Variants in DSE observed in about 807,000 individuals in gnomAD.
DSE encodes the protein dermatan sulfate epimerase.
A neutral mutation model predicts 84.4 loss-of-function variants in DSE; 36 were observed. That is an observed-to-expected ratio of 0.43 (90% CI 0.33 to 0.56). DSE has a LOEUF of 0.56. Among genes scored for constraint, DSE ranks in the 20% least tolerant of loss-of-function variants. The pLI, the probability that DSE is intolerant of heterozygous loss-of-function variation, is 0.06. For missense variants in DSE, 862 were observed against 1,169.6 expected, an observed-to-expected ratio of 0.74 and a Z score of 3.84; for synonymous variants, 410 against 430.1, an observed-to-expected ratio of 0.95 and a Z score of 0.58.
At position 116,444,132 on chromosome 6, in the gene DSE, T is replaced by C. The variant is rs1395905299; in HGVS notation, c.*6787T>C. The C allele has an allele frequency of 6.6e-6, 1 of 152,242 alleles. No homozygotes were observed. Among genetic ancestry groups the C allele is most frequent in the Non-Finnish European group, 1.5e-5 (1 of 68,038 alleles). The allele number at this position is 152,242 out of a possible 1,614,324, so 9.4% of individuals were successfully genotyped here. Reference sequence around the variant, plus strand: ...GTTCTGAAGAGAATTCTTAGAGCACTCTATATATTCAAACCTCCGTATTTT... The same window carrying C: ...GTTCTGAAGAGAATTCTTAGAGCACCCTATATATTCAAACCTCCGTATTTT... On this transcript the variant is annotated 3_prime_UTR_variant, in exon 6 of 6. Coordinates refer to ENST00000644252, the MANE Select transcript of DSE (RefSeq NM_013352.4).
rs866299015 is a variant in DSE, at chr6:116,254,225, A to G, written c.-646A>G. ...CATCGTATTCCTTTGTCTTCTTGTCACAAAAAGAATTTCGTCAGTCTGGAA... is the reference window on the plus strand; with the variant it reads ...CATCGTATTCCTTTGTCTTCTTGTCGCAAAAAGAATTTCGTCAGTCTGGAA... On this transcript the variant is annotated 5_prime_UTR_variant, in exon 1 of 4. Transcript: ENST00000430252. 258 of 711,228 alleles carry G rather than the reference A, an allele frequency of 3.6e-4. 3 individuals are homozygous for G. Among genetic ancestry groups the G allele is most frequent in the South Asian group, 3.2e-3 (214 of 66,840 alleles). The allele number at this position is 711,228 out of a possible 1,614,324, so 44.1% of individuals were successfully genotyped here.
At chr6:116,348,983 G>C (rs2114845396) in intron 2 of DSE, among the ~76,000 whole-genome samples, 1 of 152,050 alleles carries the variant, frequency 6.6e-6, no homozygotes, top group East Asian at 1.9e-4. Flanking sequence ...TGGGTGGAGG[G>C]GGGAGGGATA....
At chr6:116,280,719 TG>T (rs1773473914) in intron 2 of DSE, among the ~76,000 whole-genome samples, 1 of 152,182 alleles carries the variant, frequency 6.6e-6, no homozygotes, top group South Asian at 2.1e-4. Context: ...TGTTCCAGTT[TG>T]TTGACTTGTG....
At chr6:116,403,496 G>A (rs1781728316) in intron 2 of DSE, among the ~76,000 whole-genome samples, 1 of 151,862 alleles carries the variant, frequency 6.6e-6, no homozygotes, top group Admixed American at 6.6e-5. Context: ...TCCCCTAGAA[G>A]ATTAAGGAAG....
Position 116,296,447 on chromosome 6 carries a change from G to C in DSE, c.-54+37480G>C, listed in dbSNP as rs140139976. 4.9e-4 allele frequency among the ~76,000 whole-genome samples: 74 copies of C among 152,184 alleles called. 1 individual carries two copies. The East Asian group carries it at 0.014, about 29-fold the overall frequency. ...ATTAGGAGTTTATATTTTGATGCGAGGAGAAAGATAATAAATATGAAAACA... is the reference window on the plus strand; with the variant it reads ...ATTAGGAGTTTATATTTTGATGCGACGAGAAAGATAATAAATATGAAAACA... On this transcript the variant is annotated intron_variant, in intron 2 of 3. Transcript: ENST00000430252.
upstream of DSE, chr6:116,369,965 A>G (rs1248688001): frequency 3.1e-6 from 4 of 1,288,284 alleles, no homozygotes; most frequent in East Asian, 1.1e-4. Flanking sequence ...TGTACAATCT[A>G]GGTCTGGTAG....
chr6:116,437,084 TGGG>T lies in DSE; in HGVS notation c.2619_2621del (p.Gly874del), dbSNP rs111252008. 3.0e-3 allele frequency: 4,769 copies of T among 1,614,050 alleles called. 91 individuals carry two copies. The African/African-American group carries it at 0.05, about 17-fold the overall frequency. On this transcript the variant is annotated inframe_deletion, in exon 6 of 6. Transcript: ENST00000644252. ...ATGTAACATACGAGAAACATAAAAA[TGGG>T]GGCTTGATTAAAGGCCGGTTTGGAC...
chr6:116,408,732 A>G lies in DSE; in HGVS notation c.416+9066A>G, dbSNP rs538591164. Among the ~76,000 whole-genome samples, 6 of 152,300 alleles carry G rather than the reference A, an allele frequency of 3.9e-5. No homozygotes were observed. The South Asian group carries it at 1.2e-3, about 32-fold the overall frequency. ...ATCTTGGTGCATAGCTCAGCAGAGA[A>G]TCTCAGATTACCTGGTCTTTGAAGT... On this transcript the variant is annotated intron_variant, in intron 2 of 5. Transcript: ENST00000644252.
chr6:116,411,633 GAATA>G (rs1782363282), intron 2 of DSE, among the ~76,000 whole-genome samples: 1 of 152,154 alleles, frequency 6.6e-6, no homozygotes, highest in African/African-American at 2.4e-5. Flanking sequence ...GAAGAGATAA[GAATA>G]AATAAAATCT....
At chr6:116,273,265 C>A (rs2114617955) in intron 2 of DSE, among the ~76,000 whole-genome samples, 1 of 152,180 alleles carries the variant, frequency 6.6e-6, no homozygotes, top group South Asian at 2.1e-4. Context: ...GAACCATTTC[C>A]TTTTACCTGT....
intron 2 of DSE, among the ~76,000 whole-genome samples, chr6:116,363,715 A>C (rs1424849259): frequency 6.6e-6 from 1 of 152,336 alleles, no homozygotes; most frequent in African/African-American, 2.4e-5. Context: ...AAATTACATC[A>C]TAAGTAAAAC....
At chr6:116,410,158 G>A (rs1419185899) in intron 2 of DSE, among the ~76,000 whole-genome samples, 1 of 152,144 alleles carries the variant, frequency 6.6e-6, no homozygotes, top group Non-Finnish European at 1.5e-5. Flanking sequence ...AATAAAAGTA[G>A]AATATTATAT....
intron 2 of DSE, among the ~76,000 whole-genome samples, chr6:116,403,536 A>G (rs944248982): frequency 6.6e-6 from 1 of 152,162 alleles, no homozygotes; most frequent in African/African-American, 2.4e-5. Flanking sequence ...AATTAGAAGT[A>G]GCTGAGAAAG....
intron 1 of DSE, among the ~76,000 whole-genome samples, chr6:116,254,561 A>C: frequency 6.6e-6 from 1 of 152,220 alleles, no homozygotes; most frequent in East Asian, 1.9e-4. Context: ...TTTTAAAATT[A>C]AGGAGCAGCT....
chr6:116,256,896 A>G (rs1772164770), intron 1 of DSE, among the ~76,000 whole-genome samples: 1 of 152,202 alleles, frequency 6.6e-6, no homozygotes, highest in African/African-American at 2.4e-5. Flanking sequence ...AACCTTACTA[A>G]GCAGAAAAAA....
chr6:116,273,762 G>A (rs1772985274), intron 2 of DSE, among the ~76,000 whole-genome samples: 1 of 151,886 alleles, frequency 6.6e-6, no homozygotes, highest in South Asian at 2.1e-4. Flanking sequence ...CCTTACTTAT[G>A]CTAGTATTCA....
intron 2 of DSE, among the ~76,000 whole-genome samples, chr6:116,423,415 T>C (rs960196484): frequency 2.6e-5 from 4 of 152,206 alleles, no homozygotes; most frequent in African/African-American, 9.6e-5. Flanking sequence ...AAAACAAAGC[T>C]GGAAATTGTG....
chr6:116,371,626 G>C (rs1779583957), intron 1 of DSE, among the ~76,000 whole-genome samples: 1 of 152,158 alleles, frequency 6.6e-6, no homozygotes, highest in Non-Finnish European at 1.5e-5. Flanking sequence ...CCTACTTTGC[G>C]GCTGCAGAAG....
intron 1 of DSE, among the ~76,000 whole-genome samples, chr6:116,398,188 G>A (rs1781374815): frequency 1.3e-5 from 2 of 152,166 alleles, no homozygotes; most frequent in African/African-American, 4.8e-5. Context: ...TTTCCTCTGA[G>A]GGATTTTCTG....
Sources: gnomAD v4.1 joint callset for allele counts (sites outside exome capture counted in the v4.1 genomes callset) on GRCh38, gnomAD v4.1.1 for gene constraint, MANE v1.5 for transcripts, NCBI Gene and HGNC (gene_info 2026-07-23, HGNC 2026-07-21) for gene names.